WDFY4: variants seen among roughly 807,000 people sequenced by gnomAD.
WDFY4 encodes the protein WDFY family member 4, also known as WD repeat- and FYVE domain-containing protein 4.
Under a neutral mutation model 351.9 loss-of-function variants are expected in WDFY4, and 169 were observed. The observed-to-expected ratio is 0.48, with a 90% CI of 0.42 to 0.55. The LOEUF (loss-of-function observed/expected upper bound fraction) is 0.55. Among genes scored for constraint, WDFY4 ranks in the 20% least tolerant of loss-of-function variants. WDFY4 has a pLI of 0.00. For missense variants in WDFY4, 3,803 were observed against 3,935.6 expected (o/e 0.97, Z 0.90); for synonymous variants, 1,622 against 1,574.6 (o/e 1.03, Z -0.71).
chr10:48,858,130 G>T (rs1375405547), intron 39 of WDFY4, among the ~76,000 whole-genome samples: 1 of 152,116 alleles, frequency 6.6e-6, no homozygotes, highest in Non-Finnish European at 1.5e-5. Flanking sequence ...ATATATTTTA[G>T]ATGTTAATCC....
chr10:48,939,455 G>A (rs973413754), intron 47 of WDFY4, among the ~76,000 whole-genome samples: 1 of 152,212 alleles, frequency 6.6e-6, no homozygotes. Flanking sequence ...GGTGGAGATA[G>A]AATTTAGATC....
chr10:48,904,591 A>C (rs1025891289), intron 47 of WDFY4, among the ~76,000 whole-genome samples: 1 of 152,126 alleles, frequency 6.6e-6, no homozygotes, highest in Non-Finnish European at 1.5e-5. Context: ...GCCTGGCTCC[A>C]TTTCTCATAG....
chr10:48,966,501 G>A, intron 54 of WDFY4, 25 bp from the exon 55 acceptor site: 1 of 1,547,782 alleles, frequency 6.5e-7, no homozygotes, highest in Non-Finnish European at 8.7e-7. Context: ...CTCCCCTCAT[G>A]TGTGTCTGTT....
intron 39 of WDFY4, among the ~76,000 whole-genome samples, chr10:48,838,917 T>C (rs887514629): frequency 6.6e-6 from 1 of 152,172 alleles, no homozygotes; most frequent in Non-Finnish European, 1.5e-5. Context: ...CTGGCATGTT[T>C]GTGTTTGTCT....
intron 47 of WDFY4, among the ~76,000 whole-genome samples, chr10:48,934,736 C>G (rs1840246646): frequency 6.6e-6 from 1 of 152,216 alleles, no homozygotes; most frequent in African/African-American, 2.4e-5. Context: ...AACGAAGAAG[C>G]AGTCACAGCT....
At chr10:48,950,596 A>G (rs1382242491) in intron 51 of WDFY4, among the ~76,000 whole-genome samples, 1 of 152,196 alleles carries the variant, frequency 6.6e-6, no homozygotes, top group Admixed American at 6.5e-5. Flanking sequence ...AAGGGAGATG[A>G]GATGGGTTCT....
chr10:48,799,815 G>A (rs971550346), intron 24 of WDFY4, among the ~76,000 whole-genome samples: 2 of 152,226 alleles, frequency 1.3e-5, no homozygotes, highest in Non-Finnish European at 2.9e-5. Context: ...TGGGGAGACT[G>A]AAAGTGGAGG....
At chr10:48,938,561 G>A (rs760166754) in intron 47 of WDFY4, among the ~76,000 whole-genome samples, 13 of 152,230 alleles carry the variant, frequency 8.5e-5, no homozygotes, top group Admixed American at 7.9e-4. Context: ...TGGTTTCAGG[G>A]TAGGGTGGAG....
chr10:48,823,979 T>C, intron 35 of WDFY4: 1 of 985,494 alleles, frequency 1.0e-6, no homozygotes, highest in Non-Finnish European at 1.2e-6. Flanking sequence ...GGGAGTAGCC[T>C]ATAACAAATT....
rs1338918503 is a variant in WDFY4, at chr10:48,834,764, C to G, written c.6663+2055C>G. The stretch of plus-strand genomic sequence containing the variant: ...GGCATGGGCATTCATCTCATGGGAA[C>G]CCTCACACCTGTTGATGCTGCCTCT... On this transcript the variant is annotated intron_variant, in intron 39 of 61. Transcript: ENST00000325239. Among the ~76,000 whole-genome samples, 11 of 152,334 alleles carry G rather than the reference C, an allele frequency of 7.2e-5. No individual in the cohort carries two copies. In the East Asian group the frequency reaches 1.9e-3, roughly 27 times the overall value.
At chr10:48,893,331 A>T (rs1326950615) in intron 44 of WDFY4, among the ~76,000 whole-genome samples, 1 of 152,216 alleles carries the variant, frequency 6.6e-6, no homozygotes, top group Non-Finnish European at 1.5e-5. Flanking sequence ...CTGTTTTCAA[A>T]TACAATCACA....
At chr10:48,741,530 T>A (rs1159904428) in intron 11 of WDFY4, among the ~76,000 whole-genome samples, 1 of 151,424 alleles carries the variant, frequency 6.6e-6, no homozygotes, top group Non-Finnish European at 1.5e-5. Context: ...CCTGTAACTT[T>A]ACTAAGTTTC....
intron 1 of WDFY4, among the ~76,000 whole-genome samples, chr10:48,686,789 AT>A (rs541610743): frequency 2.0e-5 from 3 of 151,062 alleles, no homozygotes; most frequent in African/African-American, 4.9e-5. Context: ...TCAAGAGTTT[AT>A]TTTTTTTTCT....
rs1202390697 is a variant in WDFY4, at chr10:48,811,561, A to T, written c.5067A>T (p.Pro1689=). The change falls in exon 30 of 62, where the codon CCA becomes CCT. Residue 1689 remains proline, a synonymous_variant. Coordinates refer to ENST00000325239, the MANE Select transcript of WDFY4 (RefSeq NM_001394531.1). Reference sequence around the variant, plus strand: ...TAGACAACCTGAAGAGCCAGTCACCACTGCCTGAGCAAAGCCCATGCCTGC... The same window carrying T: ...TAGACAACCTGAAGAGCCAGTCACCTCTGCCTGAGCAAAGCCCATGCCTGC... The part of the protein sequence containing the change: ...IVMDNLKSQS[P]LPEQSPCLLP... 1 of 1,552,246 alleles carries T rather than the reference A, an allele frequency of 6.4e-7. No homozygotes were observed. The highest frequency in any genetic ancestry group is 1.2e-5 in the South Asian group (1 of 84,054).
At chr10:48,775,643 A>C in intron 14 of WDFY4, 69 bp from the exon 15 acceptor site, 2 of 1,421,794 alleles carry the variant, frequency 1.4e-6, no homozygotes, top group Non-Finnish European at 1.9e-6. Flanking sequence ...GACAGTTGTC[A>C]GGATAAAGTT....
At chr10:48,819,212 C>T (rs908308795) in intron 32 of WDFY4, among the ~76,000 whole-genome samples, 1 of 152,216 alleles carries the variant, frequency 6.6e-6, no homozygotes, top group East Asian at 1.9e-4. Flanking sequence ...GCTCCTGGCT[C>T]TAATTCCAAG....
intron 11 of WDFY4, among the ~76,000 whole-genome samples, chr10:48,738,517 G>A (rs748837995): frequency 1.4e-4 from 21 of 152,318 alleles, no homozygotes; most frequent in Middle Eastern, 3.4e-3. Flanking sequence ...GGGCCCAGGA[G>A]CTGGCATTGT....
Position 48,978,394 on chromosome 10 carries a change from G to A in WDFY4, c.9376+1G>A. On this transcript the variant is annotated splice_donor_variant, in intron 60 of 61. Coordinates refer to ENST00000325239, the MANE Select transcript of WDFY4 (RefSeq NM_001394531.1). LOFTEE classifies it high-confidence loss of function. ...CCGGCTCAGCCTCCAAGCCCAAGAG[G>A]TACCTGACCTGCTAGGGATGTGGCC... is the stretch of plus-strand genomic sequence containing the variant. 2 of 1,550,008 alleles carry A rather than the reference G, an allele frequency of 1.3e-6. No homozygotes were observed. The highest frequency in any genetic ancestry group is 1.7e-6 in the Non-Finnish European group (2 of 1,146,314).
chr10:48,698,336 C>A (rs1244062464), intron 1 of WDFY4, among the ~76,000 whole-genome samples: 2 of 152,204 alleles, frequency 1.3e-5, no homozygotes, highest in African/African-American at 2.4e-5. Context: ...CCCAAGCGTG[C>A]CAGGGCTTGA....
Sources: allele counts gnomAD v4.1 joint callset (sites outside exome capture counted in the v4.1 genomes callset), GRCh38; gene constraint gnomAD v4.1.1; transcripts MANE v1.5; gene names NCBI Gene and HGNC (gene_info 2026-07-23, HGNC 2026-07-21).